Variants in CSMD3 observed in about 807,000 individuals in gnomAD.
The protein encoded by CSMD3 is CUB and sushi domain-containing protein 3.
Under a neutral mutation model 435.2 loss-of-function variants are expected in CSMD3, and 177 were observed. The ratio of observed to expected loss-of-function variants is 0.41; its 90% CI spans 0.36 to 0.46. The LOEUF is 0.46. Among genes scored for constraint, CSMD3 ranks in the 20% least tolerant of loss-of-function variants. The pLI, the probability that CSMD3 is intolerant of heterozygous loss-of-function variation, is 0.34. For synonymous variants in CSMD3, 1,656 were observed against 1,520.5 expected (o/e 1.09, Z -2.07); for missense variants, 4,265 against 4,504.6 (o/e 0.95, Z 1.52).
At chr8:113,117,070 A>G (rs192916233) in intron 4 of CSMD3, among the ~76,000 whole-genome samples, 1 of 152,374 alleles carries the variant, frequency 6.6e-6, no homozygotes, top group Non-Finnish European at 1.5e-5. Context: ...AGCCAGCTGC[A>G]GAAATCTGCA....
chr8:112,402,498 G>T (rs1366784936), intron 35 of CSMD3, among the ~76,000 whole-genome samples: 2 of 152,084 alleles, frequency 1.3e-5, no homozygotes, highest in East Asian at 1.9e-4. Context: ...AAAGATTAAT[G>T]AACTAGTTTA....
chr8:113,249,446 T>C (rs1413726440), intron 3 of CSMD3, among the ~76,000 whole-genome samples: 2 of 151,910 alleles, frequency 1.3e-5, no homozygotes, highest in African/African-American at 2.4e-5. Flanking sequence ...AAGTTTTAGA[T>C]AGTAGTTACT....
At chr8:113,403,552 T>A (rs907609945) in intron 1 of CSMD3, among the ~76,000 whole-genome samples, 38 of 151,284 alleles carry the variant, frequency 2.5e-4, no homozygotes, top group Non-Finnish European at 1.6e-4. Flanking sequence ...CTTTTTAGAG[T>A]ACATTAAAAA....
chr8:112,570,311 T>C (rs573261995), intron 24 of CSMD3, among the ~76,000 whole-genome samples: 5 of 152,152 alleles, frequency 3.3e-5, no homozygotes, highest in Non-Finnish European at 7.4e-5. Flanking sequence ...TGAAGGAAAA[T>C]AGCGTGTTGA....
intron 5 of CSMD3, among the ~76,000 whole-genome samples, chr8:113,084,482 C>T (rs1282653126): frequency 3.3e-5 from 5 of 151,784 alleles, no homozygotes; most frequent in Admixed American, 6.6e-5. Context: ...GTATCCCATG[C>T]TCATGGATTG....
chr8:112,798,373 T>C (rs2078878074), intron 13 of CSMD3, among the ~76,000 whole-genome samples: 1 of 151,724 alleles, frequency 6.6e-6, no homozygotes, highest in African/African-American at 2.4e-5. Flanking sequence ...AAAACAGAAT[T>C]TTGAGCATGA....
intron 10 of CSMD3, among the ~76,000 whole-genome samples, chr8:112,899,235 G>A (rs541255572): frequency 5.0e-4 from 76 of 151,008 alleles, no homozygotes; most frequent in Non-Finnish European, 9.3e-4. Context: ...CCCAGACTAT[G>A]CAGAAACTAA....
chr8:112,942,076 T>C (rs968163803), intron 9 of CSMD3, among the ~76,000 whole-genome samples: 1 of 151,582 alleles, frequency 6.6e-6, no homozygotes, highest in Non-Finnish European at 1.5e-5. Flanking sequence ...TGCCCTTATA[T>C]GTCCCCTGTG....
intron 4 of CSMD3, among the ~76,000 whole-genome samples, chr8:113,116,066 T>C (rs2090816679): frequency 6.6e-6 from 1 of 152,192 alleles, no homozygotes; most frequent in South Asian, 2.1e-4. Context: ...ACAGTGAGAA[T>C]GAAATTTATG....
Position 112,423,664 on chromosome 8 carries a change from C to G in CSMD3, c.5396-14632G>C, listed in dbSNP as rs182395833. 2.5e-3 allele frequency among the ~76,000 whole-genome samples: 386 copies of G among 152,116 alleles called. 3 individuals carry two copies. Among genetic ancestry groups the G allele is most frequent in the African/African-American group, 8.6e-3 (358 of 41,482 alleles). On this transcript the variant is annotated intron_variant, in intron 32 of 70. Transcript: ENST00000297405. Reference sequence around the variant, plus strand: ...TTCACCATGTTGCCCAGGCTGGACTCGAACTTCTGGGCTCAGGCTAAAGAT... The same window carrying G: ...TTCACCATGTTGCCCAGGCTGGACTGGAACTTCTGGGCTCAGGCTAAAGAT...
At chr8:112,834,457 A>C (rs1216691637) in intron 11 of CSMD3, among the ~76,000 whole-genome samples, 4 of 151,860 alleles carry the variant, frequency 2.6e-5, no homozygotes, top group Non-Finnish European at 5.9e-5. Context: ...GTAAGGTATT[A>C]CAGTAAAACT....
chr8:113,388,535 T>G (rs2094448782), intron 1 of CSMD3, among the ~76,000 whole-genome samples: 1 of 151,628 alleles, frequency 6.6e-6, no homozygotes, highest in Non-Finnish European at 1.5e-5. Context: ...ATCTTTAATT[T>G]TTAAAAAATT....
intron 39 of CSMD3, 59 bp downstream of exon 39, chr8:112,352,357 T>C (rs1408546936): frequency 3.7e-6 from 6 of 1,607,646 alleles, no homozygotes; most frequent in Non-Finnish European, 5.1e-6. Context: ...AATCATTGAT[T>C]TGTAAAATAT....
At chr8:112,812,825 C>T (rs2079264714) in intron 12 of CSMD3, among the ~76,000 whole-genome samples, 1 of 152,160 alleles carries the variant, frequency 6.6e-6, no homozygotes, top group Non-Finnish European at 1.5e-5. Flanking sequence ...TCACTTCCTG[C>T]TAAAATGAGA....
intron 2 of CSMD3, among the ~76,000 whole-genome samples, chr8:113,301,040 G>A (rs899551438): frequency 6.6e-6 from 1 of 151,572 alleles, no homozygotes; most frequent in Non-Finnish European, 1.5e-5. Flanking sequence ...ATAATTAAAC[G>A]TGATGTTGCT....
intron 32 of CSMD3, among the ~76,000 whole-genome samples, chr8:112,410,921 C>G (rs1811261108): frequency 6.6e-6 from 1 of 150,404 alleles, no homozygotes; most frequent in Non-Finnish European, 1.5e-5. Flanking sequence ...CAAAAAGGCT[C>G]TTGGCATGTA....
At chr8:112,353,092 T>G (rs1186594900) in intron 38 of CSMD3, among the ~76,000 whole-genome samples, 5 of 152,102 alleles carry the variant, frequency 3.3e-5, no homozygotes, top group Non-Finnish European at 7.4e-5. Context: ...CTGAAGATAC[T>G]ATAATCAAAA....
intron 13 of CSMD3, among the ~76,000 whole-genome samples, chr8:112,719,081 T>C (rs976597622): frequency 2.6e-5 from 4 of 152,114 alleles, no homozygotes; most frequent in African/African-American, 7.2e-5. Flanking sequence ...ATTTGTTATA[T>C]CAAACTTCAT....
chr8:112,415,976 C>A (rs1315086862), intron 32 of CSMD3, among the ~76,000 whole-genome samples: 1 of 152,012 alleles, frequency 6.6e-6, no homozygotes, highest in Admixed American at 6.6e-5. Flanking sequence ...AAGGGACTTG[C>A]CTTGTTTCAG....
Sources: gnomAD v4.1 joint callset for allele counts (sites outside exome capture counted in the v4.1 genomes callset) on GRCh38, gnomAD v4.1.1 for gene constraint, MANE v1.5 for transcripts, NCBI Gene and HGNC (gene_info 2026-07-23, HGNC 2026-07-21) for gene names.